The following SNX32 variants were observed in gnomAD, a reference collection of about 807,000 sequenced individuals.
The protein encoded by SNX32 is sorting nexin-32.
In SNX32, 58 loss-of-function variants were observed where a neutral mutation model predicts 57.0. The ratio of observed to expected loss-of-function variants is 1.02; its 90% CI spans 0.82 to 1.27. The LOEUF (loss-of-function observed/expected upper bound fraction) is 1.27, where lower values mean the gene tolerates loss of function less well. SNX32 is among the 50% of genes most tolerant of loss of function. SNX32 has a pLI of 0.00. For synonymous variants in SNX32, 262 were observed against 220.4 expected, an observed-to-expected ratio of 1.19 and a Z score of -1.67; for missense variants, 589 against 541.2, an observed-to-expected ratio of 1.09 and a Z score of -0.88.
At chr11:65,851,273 C>T in intron 7 of SNX32, 55 bp from the exon 8 acceptor site, 2 of 1,608,762 alleles carry the variant, frequency 1.2e-6, no homozygotes, top group Non-Finnish European at 1.7e-6. Context: ...TGGCCACAAG[C>T]ACCAAGGCTT....
chr11:65,850,774 G>T lies in SNX32; in HGVS notation c.522G>T (p.Arg174Ser). ...AGCTGAGTGTCCGGGGGAAGAACAG[G>T]AAGGAGCTCCTCGGAGGGTTTCTGA... is the stretch of plus-strand genomic sequence containing the variant. ...GQDLSVRGKN[R>S]KELLGGFLRN... Residue 174 changes from arginine to serine, a missense_variant, in exon 6 of 13, where the codon AGG (arginine) becomes AGT (serine). By Grantham distance (110) the Arg-to-Ser change is moderately radical. Coordinates refer to ENST00000308342, the MANE Select transcript of SNX32 (RefSeq NM_152760.3). The T allele has an allele frequency of 6.2e-7, 1 of 1,614,138 alleles. No individual in the cohort carries two copies. Among genetic ancestry groups the T allele is most frequent in the East Asian group, 2.2e-5 (1 of 44,868 alleles).
At position 65,852,463 on chromosome 11, in the gene SNX32, A is replaced by G; in HGVS notation, c.826-2A>G. 1 of 1,614,042 alleles carries G rather than the reference A, an allele frequency of 6.2e-7. No individual in the cohort carries two copies. Among genetic ancestry groups the G allele is most frequent in the Non-Finnish European group, 8.5e-7 (1 of 1,179,918 alleles). ...TTCCCAGTGCCCACCTTTCTGATGC[A>G]GAAGCTGGAGGGCCGGGTGGCTTCC... On this transcript the variant is annotated splice_acceptor_variant, in intron 9 of 12. Transcript: ENST00000308342. LOFTEE classifies it high-confidence loss of function.
intron 1 of SNX32, among the ~76,000 whole-genome samples, chr11:65,845,346 G>A (rs1591031435): frequency 6.6e-6 from 1 of 151,548 alleles, no homozygotes; most frequent in South Asian, 2.1e-4. Flanking sequence ...GCTGAGGCAG[G>A]AGAATGGCAT....
At chr11:65,847,190 T>C (rs1348549617) in intron 1 of SNX32, among the ~76,000 whole-genome samples, 2 of 152,044 alleles carry the variant, frequency 1.3e-5, no homozygotes, top group Non-Finnish European at 2.9e-5. Context: ...AGTTTTTTTG[T>C]GGAGATGGGG....
rs774604877 is a variant in SNX32 at position 65,852,747 on chromosome 11, TGCTGCCAAC to T, written c.1034_1042del (p.Cys345_Arg347del). 1 of 1,607,396 alleles carries T rather than the reference TGCTGCCAAC, an allele frequency of 6.2e-7. No individual in the cohort carries two copies. Among genetic ancestry groups the T allele is most frequent in the Non-Finnish European group, 8.5e-7 (1 of 1,178,708 alleles). On this transcript the variant is annotated inframe_deletion, in exon 11 of 13. Transcript: ENST00000308342. ...GCCCGCCGAGAGCCACCAGCAGCTG[TGCTGCCAAC>T]GCTTCGAGCGCCTCTCCGACTCCGC...
chr11:65,852,489 G>A lies in SNX32; in HGVS notation c.850G>A (p.Asp284Asn), dbSNP rs150293421. The change falls in exon 10 of 13, where the codon GAT (aspartate) becomes AAT (asparagine). Residue 284 changes from aspartate (D) to asparagine (N), a missense_variant. Transcript: ENST00000308342. ...GAAGCTGGAGGGCCGGGTGGCTTCC[G>A]ATGAGGACCTGAAGCTGTCAGACAT... Reference protein sequence around the residue: ...LRKLEGRVASDEDLKLSDMLR... With the variant: ...LRKLEGRVASNEDLKLSDMLR... 16 of 1,614,062 alleles carry A rather than the reference G, an allele frequency of 9.9e-6. No individual in the cohort carries two copies. The highest frequency in any genetic ancestry group is 5.5e-5 in the South Asian group (5 of 91,074).
In SNX32 at chr11:65,853,261, G is replaced by T. The variant is rs746711189; in HGVS notation, c.1159-21G>T. On this transcript the variant is annotated intron_variant, in intron 12 of 12. Coordinates refer to ENST00000308342, the MANE Select transcript of SNX32 (RefSeq NM_152760.3). The stretch of plus-strand genomic sequence containing the variant: ...TGACTCAGGGAGCAGGGGACTTCAA[G>T]GACCTGTTTCTCCTCTGCAGGCCAG... The T allele has an allele frequency of 5.0e-6, 8 of 1,614,012 alleles. No individual in the cohort carries two copies. The South Asian group carries it at 6.6e-5, about 13-fold the overall frequency.
chr11:65,847,649 C>G (rs1166463839), intron 1 of SNX32, among the ~76,000 whole-genome samples: 1 of 152,110 alleles, frequency 6.6e-6, no homozygotes, highest in Non-Finnish European at 1.5e-5. Context: ...GTGGCTCACA[C>G]CTGTAATCCC....
chr11:65,850,806 T>C lies in SNX32; in HGVS notation c.554T>C (p.Ile185Thr), dbSNP rs766967618. 29 of 1,613,936 alleles carry C rather than the reference T, an allele frequency of 1.8e-5. No homozygotes were observed. The highest frequency in any genetic ancestry group is 2.5e-6 in the Non-Finnish European group (3 of 1,179,980). Residue 185 changes from isoleucine (I) to threonine (T), a missense_variant, in exon 6 of 13, where the codon ATT (isoleucine) becomes ACT (threonine). Coordinates refer to ENST00000308342, the MANE Select transcript of SNX32 (RefSeq NM_152760.3). The part of the protein sequence containing the change: ...KELLGGFLRN[I>T]VKSADEALIT... Reference sequence around the variant, plus strand: ...CTCCTCGGAGGGTTTCTGAGGAATATTGTGAAGTCCGCGGATGAAGCCCTC... The same window carrying C: ...CTCCTCGGAGGGTTTCTGAGGAATACTGTGAAGTCCGCGGATGAAGCCCTC...
Position 65,852,553 on chromosome 11 carries a change from T to C in SNX32, c.912+2T>C, listed in dbSNP as rs1565255460. The stretch of plus-strand genomic sequence containing the variant: ...ATGCGTGACTCACAGGCAGCCAAGG[T>C]GAGAGGCAGCCCCAGCGCAGCGCTC... On this transcript the variant is annotated splice_donor_variant, in intron 10 of 12. Coordinates refer to ENST00000308342, the MANE Select transcript of SNX32 (RefSeq NM_152760.3). LOFTEE classifies it high-confidence loss of function. The C allele has an allele frequency of 1.9e-6, 3 of 1,613,984 alleles. No homozygotes were observed. The highest frequency in any genetic ancestry group is 2.5e-6 in the Non-Finnish European group (3 of 1,179,972).
rs1457604327 is a variant in SNX32 at position 65,853,516 on chromosome 11, C to T, written c.*181C>T. ...TCACCACCACCACAGGTGCCAGGCC[C>T]TGCAAGACACAGGGCAGCATGGGCA... On this transcript the variant is annotated 3_prime_UTR_variant, in exon 13 of 13. Transcript: ENST00000308342. The T allele has an allele frequency of 3.1e-6, 2 of 637,494 alleles. No individual in the cohort carries two copies. Among genetic ancestry groups the T allele is most frequent in the African/African-American group, 3.6e-5 (2 of 54,890 alleles). 39.5% of individuals were successfully genotyped at this position (637,494 alleles called of 1,614,324 possible). A position where few individuals can be genotyped will look rare whatever the true frequency, so the allele number is the denominator to read the frequency against.
intron 1 of SNX32, among the ~76,000 whole-genome samples, chr11:65,846,624 G>A (rs1184998990): frequency 6.6e-6 from 1 of 151,934 alleles, no homozygotes; most frequent in East Asian, 1.9e-4. Flanking sequence ...TCAGAATGGT[G>A]GTTAGTTCTG....
rs1555032605 is a variant in SNX32, at chr11:65,839,215, A to AT, written c.36+5121dup. ...AGCTGTGCCCCACCACGCCCAGCTA[A>AT]TTTTTTTGTATTTTTTTTTTTTTTT... is the stretch of plus-strand genomic sequence containing the variant. On this transcript the variant is annotated intron_variant, in intron 1 of 12. Coordinates refer to ENST00000308342, the MANE Select transcript of SNX32 (RefSeq NM_152760.3). 2.7e-3 allele frequency among the ~76,000 whole-genome samples: 52 copies of AT among 19,518 alleles called. 3 individuals are homozygous for AT. The highest frequency in any genetic ancestry group is 5.0e-3 in the African/African-American group (37 of 7,424). The allele number at this position is 19,518 out of a possible 152,430, so 12.8% of individuals were successfully genotyped here.
At chr11:65,837,636 A>T (rs1317450321) in intron 1 of SNX32, among the ~76,000 whole-genome samples, 1 of 151,950 alleles carries the variant, frequency 6.6e-6, no homozygotes, top group Non-Finnish European at 1.5e-5. Context: ...CCTGGCCAAC[A>T]GAGCGGACCC....
chr11:65,834,271 CTGTG>C (rs1480812548), intron 1 of SNX32, among the ~76,000 whole-genome samples, 170 bp downstream of exon 1: 7 of 149,890 alleles, frequency 4.7e-5, no homozygotes, highest in African/African-American at 7.4e-5. Flanking sequence ...CTCTGTGTGT[CTGTG>C]TGTATGTCGA....
At position 65,851,246 on chromosome 11, in the gene SNX32, G is replaced by A. The variant is rs1012976099; in HGVS notation, c.710-82G>A. On this transcript the variant is annotated intron_variant, in intron 7 of 12. Transcript: ENST00000308342. ...TGGGGGAGAGAAGAGAGCAGGGCGT[G>A]CCTTGTTGTTTGTCTGTGGCCACAA... 2.6e-5 allele frequency: 42 copies of A among 1,601,296 alleles called. No homozygotes were observed. In the African/African-American group the frequency reaches 5.5e-4, roughly 21 times the overall value.
At chr11:65,842,284 A>G (rs1445485080) in intron 1 of SNX32, among the ~76,000 whole-genome samples, 1 of 152,214 alleles carries the variant, frequency 6.6e-6, no homozygotes, top group East Asian at 1.9e-4. Flanking sequence ...TCTTTATAAC[A>G]AACAGTGCTC....
intron 1 of SNX32, among the ~76,000 whole-genome samples, chr11:65,843,715 TA>T (rs1858912537): frequency 6.6e-6 from 1 of 152,188 alleles, no homozygotes; most frequent in Admixed American, 6.5e-5. Flanking sequence ...GCCTTAACCA[TA>T]GACATAAAAG....
At chr11:65,836,874 G>C (rs1343191817) in intron 1 of SNX32, among the ~76,000 whole-genome samples, 4 of 141,938 alleles carry the variant, frequency 2.8e-5, no homozygotes, top group African/African-American at 5.3e-5. Flanking sequence ...ACAGGGAGGG[G>C]AACAATACAC....
Sources: allele counts gnomAD v4.1 joint callset (sites outside exome capture counted in the v4.1 genomes callset), GRCh38; gene constraint gnomAD v4.1.1; transcripts MANE v1.5; gene names NCBI Gene and HGNC (gene_info 2026-07-23, HGNC 2026-07-21).